Variants in AMY2B observed in about 807,000 individuals in gnomAD.
AMY2B encodes alpha-amylase 2B.
Under a neutral mutation model 59.3 loss-of-function variants are expected in AMY2B, and 63 were observed. The ratio of observed to expected loss-of-function variants is 1.06; its 90% CI spans 0.87 to 1.31. AMY2B has a LOEUF of 1.31. AMY2B is among the 50% of genes most tolerant of loss of function. AMY2B has a pLI of 0.00. For missense variants in AMY2B, 635 were observed against 626.7 expected, an observed-to-expected ratio of 1.01 and a Z score of -0.14; for synonymous variants, 180 against 198.1, an observed-to-expected ratio of 0.91 and a Z score of 0.77.
At chr1:103,577,922 A>C (rs1231958855) in intron 9 of AMY2B, 77 bp downstream of exon 9, 1 of 1,580,570 alleles carries the variant, frequency 6.3e-7, no homozygotes, top group Non-Finnish European at 8.5e-7. Context: ...GTTCATTGAC[A>C]TTTATCATAT....
At chr1:103,577,901 C>CTT (rs1652428615) in intron 9 of AMY2B, 56 bp downstream of exon 9, 1 of 1,589,570 alleles carries the variant, frequency 6.3e-7, no homozygotes, top group Non-Finnish European at 8.5e-7. Context: ...TTGGTTTATT[C>CTT]CTTTTTTTCT....
At chr1:103,568,301 C>T (rs969000792), upstream of AMY2B, 2 of 152,156 alleles carry the variant, frequency 1.3e-5, no homozygotes, top group Non-Finnish European at 2.9e-5. Flanking sequence ...CATAGCATTT[C>T]ACTTACATTA....
rs745761211 is a variant in AMY2B at position 103,573,958 on chromosome 1, C to T, written c.744+20C>T. ...CAGGAGGTACATCAATACATATATGCATATAAAATATCATCTTATTCATTA... is the reference window on the plus strand; with the variant it reads ...CAGGAGGTACATCAATACATATATGTATATAAAATATCATCTTATTCATTA... On this transcript the variant is annotated intron_variant, in intron 4 of 9. Transcript: ENST00000684275. 9.3e-6 allele frequency: 15 copies of T among 1,613,524 alleles called. No individual in the cohort carries two copies. Among genetic ancestry groups the T allele is most frequent in the Non-Finnish European group, 1.3e-5 (15 of 1,179,666 alleles).
At chr1:103,567,216 A>T (rs868237091), upstream of AMY2B, among the ~76,000 whole-genome samples, 4 of 152,148 alleles carry the variant, frequency 2.6e-5, no homozygotes, top group African/African-American at 7.2e-5. Flanking sequence ...ACTAAGTTGG[A>T]TGTGGAAGGG....
At chr1:103,555,392 T>G (rs1651517344) in intron 1 of AMY2B, among the ~76,000 whole-genome samples, 1 of 151,970 alleles carries the variant, frequency 6.6e-6, no homozygotes, top group East Asian at 1.9e-4. Flanking sequence ...TTCACATTTT[T>G]TTTATTGTAA....
upstream of AMY2B, chr1:103,570,012 C>A: frequency 2.3e-6 from 1 of 442,182 alleles, no homozygotes. Flanking sequence ...TTGTCATGGG[C>A]TTTGGAGATG....
intron 7 of AMY2B, 54 bp downstream of exon 7, chr1:103,575,594 T>G (rs1476499594): frequency 6.2e-7 from 1 of 1,602,180 alleles, no homozygotes; most frequent in African/African-American, 1.3e-5. Context: ...GAAGGCAATC[T>G]TGTTCTAACT....
At chr1:103,555,234 A>G (rs1415367536) in intron 1 of AMY2B, 2 of 152,030 alleles carry the variant, frequency 1.3e-5, no homozygotes, top group African/African-American at 2.4e-5. Flanking sequence ...TTCCTTTCCA[A>G]TAAAATAGTG....
chr1:103,558,203 C>T (rs1412058508), intron 1 of AMY2B, among the ~76,000 whole-genome samples: 1 of 152,120 alleles, frequency 6.6e-6, no homozygotes, highest in African/African-American at 2.4e-5. Context: ...TTCCCGATTG[C>T]TAAAGCATGT....
upstream of AMY2B, among the ~76,000 whole-genome samples, chr1:103,567,833 T>G (rs953403969): frequency 2.0e-5 from 3 of 152,196 alleles, no homozygotes; most frequent in East Asian, 5.8e-4. Flanking sequence ...ACTGATTTCT[T>G]TTTAATGTGT....
At chr1:103,575,020 G>T (rs1033350443) in intron 5 of AMY2B, among the ~76,000 whole-genome samples, 2 of 148,486 alleles carry the variant, frequency 1.3e-5, no homozygotes, top group Non-Finnish European at 3.0e-5. Flanking sequence ...TATGGTGTGT[G>T]TGTGTATATA....
chr1:103,571,520 A>G (rs1482505256), upstream of AMY2B: 228 of 1,581,106 alleles, frequency 1.4e-4, no homozygotes, highest in Non-Finnish European at 1.9e-4. Context: ...GTATTTATTC[A>G]TGCTAATATT....
chr1:103,557,469 C>T (rs1651593806), intron 1 of AMY2B, among the ~76,000 whole-genome samples: 2 of 151,878 alleles, frequency 1.3e-5, no homozygotes, highest in South Asian at 2.1e-4. Context: ...CTGGCCAACA[C>T]GATGAGACCT....
At chr1:103,574,072 T>G in intron 4 of AMY2B, 134 bp downstream of exon 4, 1 of 1,527,676 alleles carries the variant, frequency 6.5e-7, no homozygotes, top group South Asian at 1.2e-5. Context: ...TAACCTCCTC[T>G]TCACATACAG....
At chr1:103,559,173 A>G (rs565740305) in intron 1 of AMY2B, among the ~76,000 whole-genome samples, 5 of 152,338 alleles carry the variant, frequency 3.3e-5, no homozygotes, top group Non-Finnish European at 5.9e-5. Flanking sequence ...TGCATGGTGA[A>G]TACAGTCGTG....
At position 103,579,131 on chromosome 1, in the gene AMY2B, G is replaced by T. The variant is rs534377620; in HGVS notation, c.1347-180G>T. 2.0e-5 allele frequency among the ~76,000 whole-genome samples: 3 copies of T among 152,194 alleles called. No homozygotes were observed. In the East Asian group the frequency reaches 5.8e-4, roughly 29 times the overall value. ...GGACCAGGGAACTGCTACATTTTCT[G>T]TAAGGTTACTTTTGGTCCTAGAAAG... On this transcript the variant is annotated intron_variant, in intron 9 of 9. Transcript: ENST00000684275.
At chr1:103,563,227 G>C (rs1651793513) in intron 1 of AMY2B, among the ~76,000 whole-genome samples, 1 of 151,846 alleles carries the variant, frequency 6.6e-6, no homozygotes, top group Admixed American at 6.6e-5. Flanking sequence ...CATATTCTTA[G>C]GGAATTCCCA....
chr1:103,569,192 C>T (rs1055520743), upstream of AMY2B: 1 of 152,024 alleles, frequency 6.6e-6, no homozygotes, highest in African/African-American at 2.4e-5. Flanking sequence ...ATGGGAACTA[C>T]ATTCAAGATG....
upstream of AMY2B, chr1:103,568,241 T>C (rs1557767767): frequency 1.3e-5 from 2 of 152,212 alleles, no homozygotes; most frequent in Non-Finnish European, 2.9e-5. Flanking sequence ...CACTTAACAC[T>C]TGTTGAATGG....
Sources: allele counts gnomAD v4.1 joint callset (sites outside exome capture counted in the v4.1 genomes callset), GRCh38; gene constraint gnomAD v4.1.1; transcripts MANE v1.5; gene names NCBI Gene and HGNC (gene_info 2026-07-23, HGNC 2026-07-21).